The following ARHGEF17 variants were observed in gnomAD, a reference collection of about 807,000 sequenced individuals.
The protein encoded by ARHGEF17 is 164 kDa Rho-specific guanine-nucleotide exchange factor.
ARHGEF17 carries 80 observed loss-of-function variants against 174.0 expected under a neutral mutation model. The observed-to-expected ratio is 0.46, with a 90% CI of 0.38 to 0.55. The LOEUF is 0.55. Ranked by LOEUF, ARHGEF17 falls within the 20% of genes least tolerant of loss-of-function variation. The pLI is 0.00. For missense variants in ARHGEF17, 2,886 were observed against 2,839.7 expected (o/e 1.02, Z -0.37); for synonymous variants, 1,311 against 1,189.1 (o/e 1.10, Z -2.11).
intron 1 of ARHGEF17, among the ~76,000 whole-genome samples, chr11:73,339,345 CTG>C (rs1364220357): frequency 6.6e-6 from 1 of 152,216 alleles, no homozygotes; most frequent in Non-Finnish European, 1.5e-5. Flanking sequence ...AACCATGTAT[CTG>C]TGGATTCATT....
At position 73,367,988 on chromosome 11, in the gene ARHGEF17, C is replaced by G; in HGVS notation, c.*208C>G. 1.8e-6 allele frequency: 1 copy of G among 546,074 alleles called. No individual in the cohort carries two copies. Among genetic ancestry groups the G allele is most frequent in the East Asian group, 3.0e-5 (1 of 33,440 alleles). The allele number at this position is 546,074 out of a possible 1,614,324, so 33.8% of individuals were successfully genotyped here. A position where few individuals can be genotyped will look rare whatever the true frequency, so the allele number is the denominator to read the frequency against. ...GGCTTCTCCCGACCCTCTGGCTGCC[C>G]CGGTGCTTCCAGTCATGATCGGGTG... On this transcript the variant is annotated 3_prime_UTR_variant, in exon 21 of 21. Transcript: ENST00000263674.
Position 73,308,695 on chromosome 11 carries a change from G to A in ARHGEF17, c.57G>A (p.Leu19=). The change falls in exon 1 of 21, where the codon CTG becomes CTA. Residue 19 remains leucine, a synonymous_variant. Transcript: ENST00000263674. ...QLYRSVSFKL[L]ERWSGGPGLR... ...ACCGCAGCGTCTCGTTCAAGCTGCT[G>A]GAGCGCTGGAGCGGCGGCCCCGGGC... 1 of 1,518,056 alleles carries A rather than the reference G, an allele frequency of 6.6e-7. No individual in the cohort carries two copies. The highest frequency in any genetic ancestry group is 8.8e-7 in the Non-Finnish European group (1 of 1,136,386). 94.0% of individuals were successfully genotyped at this position (1,518,056 alleles called of 1,614,324 possible).
intron 1 of ARHGEF17, among the ~76,000 whole-genome samples, chr11:73,313,356 C>G (rs963812418): frequency 2.6e-5 from 4 of 152,160 alleles, no homozygotes; most frequent in Non-Finnish European, 5.9e-5. Context: ...TGTCAGGGGT[C>G]TCCTCCCCAG....
chr11:73,325,297 G>A (rs1458444093), intron 1 of ARHGEF17, among the ~76,000 whole-genome samples: 1 of 152,070 alleles, frequency 6.6e-6, no homozygotes, highest in Non-Finnish European at 1.5e-5. Context: ...GAACTCTTGG[G>A]CCTCAGTCAT....
rs1253655312 is a variant in ARHGEF17 at position 73,309,765 on chromosome 11, G to A, written c.1127G>A (p.Ser376Asn). The change falls in exon 1 of 21, where the codon AGC becomes AAC. Residue 376 changes from serine (S) to asparagine (N), a missense_variant. Ser to Asn is a conservative substitution (Grantham distance 46). Transcript: ENST00000263674. ...VGGAFRVAKV[S>N]FPSYLASPAG... ...GGAGCTTTCCGTGTGGCCAAGGTGA[G>A]CTTTCCCTCGTACCTGGCCAGCCCC... The A allele has an allele frequency of 9.9e-6, 16 of 1,612,890 alleles. No homozygotes were observed. The highest frequency in any genetic ancestry group is 3.3e-5 in the Admixed American group (2 of 60,010).
Position 73,308,436 on chromosome 11 carries a change from C to A in ARHGEF17, c.-203C>A. On this transcript the variant is annotated 5_prime_UTR_variant, in exon 1 of 21. Coordinates refer to ENST00000263674, the MANE Select transcript of ARHGEF17 (RefSeq NM_014786.4). Reference sequence around the variant, plus strand: ...GGGTCGGCGCTGAGGCGGGAGGGGCCGCCCGGGATGGAGACGTTGCGGCCG... The same window carrying A: ...GGGTCGGCGCTGAGGCGGGAGGGGCAGCCCGGGATGGAGACGTTGCGGCCG... The A allele has an allele frequency of 2.1e-6, 1 of 473,140 alleles. No individual in the cohort carries two copies. The highest frequency in any genetic ancestry group is 3.5e-6 in the Non-Finnish European group (1 of 287,640). 29.3% of individuals were successfully genotyped at this position (473,140 alleles called of 1,614,324 possible).
intron 1 of ARHGEF17, among the ~76,000 whole-genome samples, chr11:73,327,108 A>G (rs1865114666): frequency 1.3e-5 from 2 of 152,210 alleles, no homozygotes; most frequent in South Asian, 4.1e-4. Context: ...TCCTATGAGC[A>G]GGCAGCACCT....
At chr11:73,315,644 G>T (rs1399282586) in intron 1 of ARHGEF17, among the ~76,000 whole-genome samples, 1 of 152,154 alleles carries the variant, frequency 6.6e-6, no homozygotes, top group Non-Finnish European at 1.5e-5. Context: ...TTGTCACCCA[G>T]CAGGAGGGGG....
chr11:73,325,805 G>A (rs1164666386), intron 1 of ARHGEF17, among the ~76,000 whole-genome samples: 3 of 152,252 alleles, frequency 2.0e-5, no homozygotes, highest in African/African-American at 7.2e-5. Context: ...AGCAAGGGGC[G>A]GGGCTGGGCA....
Position 73,362,129 on chromosome 11 carries a change from G to A in ARHGEF17, c.4584G>A (p.Val1528=). The change falls in exon 13 of 21, where the codon GTG becomes GTA. Residue 1528 remains valine (V), a synonymous_variant. Transcript: ENST00000263674. ...ACAGCGACGGCTACGTGGGCCAGGT[G>A]TGCCTGCTGAGCCTGCGCGCCGAGC... ...VCNSDGYVGQ[V]CLLSLRAEPD... is the part of the protein sequence containing the mutation. 6.2e-7 allele frequency: 1 copy of A among 1,611,896 alleles called. No individual in the cohort carries two copies. The highest frequency in any genetic ancestry group is 8.5e-7 in the Non-Finnish European group (1 of 1,179,746).
chr11:73,324,421 C>T (rs1783108549), intron 1 of ARHGEF17, among the ~76,000 whole-genome samples: 1 of 152,148 alleles, frequency 6.6e-6, no homozygotes, highest in African/African-American at 2.4e-5. Context: ...TCTCAGCTCC[C>T]CTTACCACCC....
At chr11:73,323,802 G>T (rs1389068239) in intron 1 of ARHGEF17, among the ~76,000 whole-genome samples, 1 of 152,262 alleles carries the variant, frequency 6.6e-6, no homozygotes, top group Non-Finnish European at 1.5e-5. Flanking sequence ...GGAGAAGGGT[G>T]GGCCCGGCCT....
chr11:73,362,811 CA>C (rs1159782964), intron 14 of ARHGEF17, 77 bp downstream of exon 14: 2 of 1,506,222 alleles, frequency 1.3e-6, no homozygotes, highest in African/African-American at 2.8e-5. Context: ...GAGGAGGGAC[CA>C]GTGTAGGGCA....
At chr11:73,342,066 C>A (rs1865378295) in intron 1 of ARHGEF17, among the ~76,000 whole-genome samples, 1 of 151,994 alleles carries the variant, frequency 6.6e-6, no homozygotes, top group Non-Finnish European at 1.5e-5. Flanking sequence ...GAGGATCCTG[C>A]TTGGAGACAG....
chr11:73,343,200 G>A (rs1166704613), intron 1 of ARHGEF17: 4 of 397,996 alleles, frequency 1.0e-5, no homozygotes, highest in Non-Finnish European at 1.8e-5. Flanking sequence ...AGACATGCGC[G>A]ATATGGGCCC....
chr11:73,354,628 C>T (rs1241296541), intron 3 of ARHGEF17, among the ~76,000 whole-genome samples: 1 of 151,750 alleles, frequency 6.6e-6, no homozygotes, highest in Non-Finnish European at 1.5e-5. Flanking sequence ...GCGGGAGAAT[C>T]GCCCGAACCT....
intron 18 of ARHGEF17, 143 bp downstream of exon 18, chr11:73,364,743 G>A: frequency 1.9e-6 from 2 of 1,046,898 alleles, no homozygotes; most frequent in Non-Finnish European, 1.3e-6. Context: ...ACGCTGGCCA[G>A]TCCCTGTCCT....
intron 1 of ARHGEF17, among the ~76,000 whole-genome samples, chr11:73,333,574 C>T (rs1031250269): frequency 2.0e-5 from 3 of 152,242 alleles, no homozygotes; most frequent in African/African-American, 7.2e-5. Flanking sequence ...CTATGCTTGC[C>T]TGGTGTGATG....
chr11:73,323,113 T>A (rs1865042576), intron 1 of ARHGEF17, among the ~76,000 whole-genome samples: 1 of 152,122 alleles, frequency 6.6e-6, no homozygotes, highest in Non-Finnish European at 1.5e-5. Context: ...TCAAACCCTC[T>A]GCTCCAGTGG....
Sources: gnomAD v4.1 joint callset for allele counts (sites outside exome capture counted in the v4.1 genomes callset) on GRCh38, gnomAD v4.1.1 for gene constraint, MANE v1.5 for transcripts, NCBI Gene and HGNC (gene_info 2026-07-23, HGNC 2026-07-21) for gene names.